Variants in IPO11 observed in about 807,000 individuals in gnomAD.
IPO11 encodes the protein importin-11.
IPO11 carries 66 observed loss-of-function variants against 143.2 expected under a neutral mutation model. The ratio of observed to expected loss-of-function variants is 0.46; its 90% CI spans 0.38 to 0.57. IPO11 has a LOEUF of 0.57. Among genes scored for constraint, IPO11 ranks in the 20% least tolerant of loss-of-function variants. The pLI is 0.00. For synonymous variants in IPO11, 385 were observed against 377.8 expected, an observed-to-expected ratio of 1.02 and a Z score of -0.22; for missense variants, 1,026 against 1,141.0, an observed-to-expected ratio of 0.90 and a Z score of 1.45.
At chr5:62,578,673 AAC>A (rs1280696060) in intron 27 of IPO11, 3 of 467,376 alleles carry the variant, frequency 6.4e-6, no homozygotes, top group Non-Finnish European at 8.9e-6. Context: ...ATACTTTTGA[AAC>A]ACAGATAAAA....
At chr5:62,521,765 C>G (rs192068318) in intron 20 of IPO11, among the ~76,000 whole-genome samples, 17 of 151,312 alleles carry the variant, frequency 1.1e-4, no homozygotes, top group Non-Finnish European at 2.1e-4. Context: ...TTCTGTTCTA[C>G]TTTCTAGGGA....
At chr5:62,534,075 T>A (rs1742652234) in intron 22 of IPO11, among the ~76,000 whole-genome samples, 1 of 152,236 alleles carries the variant, frequency 6.6e-6, no homozygotes, top group Non-Finnish European at 1.5e-5. Context: ...TAATTAAGTA[T>A]GAATATATTC....
At chr5:62,496,771 T>C (rs1029465788) in intron 16 of IPO11, among the ~76,000 whole-genome samples, 2 of 152,228 alleles carry the variant, frequency 1.3e-5, no homozygotes, top group African/African-American at 4.8e-5. Flanking sequence ...TGTATACATA[T>C]GTGTCACACA....
intron 7 of IPO11, among the ~76,000 whole-genome samples, chr5:62,472,433 A>T (rs538838723): frequency 7.2e-5 from 11 of 152,300 alleles, no homozygotes; most frequent in African/African-American, 2.6e-4. Context: ...ACCTTTACTC[A>T]GTTATAAATG....
At chr5:62,552,727 T>C (rs1265566205) in intron 26 of IPO11, among the ~76,000 whole-genome samples, 3 of 152,226 alleles carry the variant, frequency 2.0e-5, no homozygotes, top group African/African-American at 7.2e-5. Flanking sequence ...TTGAAATATA[T>C]GTCCTTCTTC....
chr5:62,460,070 T>C (rs1745301946), intron 5 of IPO11, among the ~76,000 whole-genome samples: 1 of 152,150 alleles, frequency 6.6e-6, no homozygotes, highest in Admixed American at 6.5e-5. Context: ...AATTTAAATA[T>C]TTTTTTAACT....
At chr5:62,431,963 A>G (rs1744004763) in intron 1 of IPO11, among the ~76,000 whole-genome samples, 1 of 151,740 alleles carries the variant, frequency 6.6e-6, no homozygotes. Context: ...ATACATACAT[A>G]CATACATACG....
chr5:62,483,446 A>T, intron 10 of IPO11, 153 bp downstream of exon 10: 1 of 562,458 alleles, frequency 1.8e-6, no homozygotes, highest in Non-Finnish European at 3.1e-6. Context: ...AGGCTTTAGT[A>T]TGTTTATACT....
chr5:62,575,738 A>G (rs1744293221), intron 27 of IPO11, among the ~76,000 whole-genome samples: 2 of 152,174 alleles, frequency 1.3e-5, no homozygotes, highest in South Asian at 4.1e-4. Context: ...CTCACTGATG[A>G]TGTTAATGCT....
chr5:62,415,227 G>T (rs1188675383), intron 1 of IPO11, among the ~76,000 whole-genome samples: 1 of 152,078 alleles, frequency 6.6e-6, no homozygotes, highest in Admixed American at 6.6e-5. Context: ...GCAGTGGCGT[G>T]ATCTCTGCTC....
intron 20 of IPO11, among the ~76,000 whole-genome samples, chr5:62,518,840 T>A (rs968479867): frequency 2.0e-5 from 3 of 152,216 alleles, no homozygotes; most frequent in African/African-American, 7.2e-5. Flanking sequence ...TATTCGTTCA[T>A]ACGCTAAACA....
At chr5:62,416,182 C>CTTTTTTTTTTTTTT (rs869236693) in intron 1 of IPO11, among the ~76,000 whole-genome samples, 1 of 123,506 alleles carries the variant, frequency 8.1e-6, no homozygotes, top group Non-Finnish European at 1.7e-5. Flanking sequence ...TTTTTCTTTT[C>CTTTTTTTTTTTTTT]TTTTTTTTTT....
At chr5:62,430,609 G>A (rs1042263751) in intron 1 of IPO11, among the ~76,000 whole-genome samples, 1 of 151,096 alleles carries the variant, frequency 6.6e-6, no homozygotes, top group African/African-American at 2.4e-5. Context: ...GGTGAGAGCC[G>A]CCATGCCAGG....
intron 1 of IPO11, among the ~76,000 whole-genome samples, chr5:62,436,404 CCT>C (rs1289215435): frequency 2.0e-5 from 3 of 152,182 alleles, no homozygotes; most frequent in African/African-American, 7.2e-5. Context: ...AACGCTATTC[CCT>C]GTCACCCCTG....
intron 27 of IPO11, among the ~76,000 whole-genome samples, chr5:62,574,061 A>G (rs577465151): frequency 6.6e-6 from 1 of 152,262 alleles, no homozygotes; most frequent in South Asian, 2.1e-4. Context: ...AACTATAGCT[A>G]TTTGTTATAT....
rs888719889 is a variant in IPO11 at position 62,451,599 on chromosome 5, A to T, written c.313-131A>T. 7 of 750,244 alleles carry T rather than the reference A, an allele frequency of 9.3e-6. No homozygotes were observed. In the East Asian group the frequency reaches 1.9e-4, roughly 20 times the overall value. The allele number at this position is 750,244 out of a possible 1,614,324, so 46.5% of individuals were successfully genotyped here. A position where few individuals can be genotyped will look rare whatever the true frequency, so the allele number is the denominator to read the frequency against. On this transcript the variant is annotated intron_variant, in intron 4 of 29. Transcript: ENST00000325324. ...GTCCATGGGCCACACTTTGAGAACCACTGTTTAAGCAGTCATTCAGTGAAA... is the reference window on the plus strand; with the variant it reads ...GTCCATGGGCCACACTTTGAGAACCTCTGTTTAAGCAGTCATTCAGTGAAA...
chr5:62,492,933 C>T (rs1740979902), intron 15 of IPO11, among the ~76,000 whole-genome samples: 1 of 152,048 alleles, frequency 6.6e-6, no homozygotes, highest in African/African-American at 2.4e-5. Context: ...TTCATTTATA[C>T]CCAGAAATAT....
At chr5:62,580,693 A>G in intron 27 of IPO11, 1 of 1,551,468 alleles carries the variant, frequency 6.4e-7, no homozygotes. Context: ...GGCTGTTGTA[A>G]AATCTCCTCA....
rs897412313 is a variant in IPO11 at position 62,606,207 on chromosome 5, G to A, written c.2763+4359G>A. On this transcript the variant is annotated intron_variant, in intron 29 of 29. Coordinates refer to ENST00000325324, the MANE Select transcript of IPO11 (RefSeq NM_016338.5). ...CAGAAAGAGAAAAGTTGGGCCAGGC[G>A]TGGTGGCTTATGCCTGTAATCCCAG... Among the ~76,000 whole-genome samples the A allele has an allele frequency of 1.2e-4, 19 of 152,062 alleles. No homozygotes were observed. In the South Asian group the frequency reaches 1.5e-3, roughly 12 times the overall value.
Sources: allele counts gnomAD v4.1 joint callset (sites outside exome capture counted in the v4.1 genomes callset), GRCh38; gene constraint gnomAD v4.1.1; transcripts MANE v1.5; gene names NCBI Gene and HGNC (gene_info 2026-07-23, HGNC 2026-07-21).